The following RBFOX1 variants were observed in gnomAD, a reference collection of about 807,000 sequenced individuals.
The protein encoded by RBFOX1 is RNA binding fox-1 homolog 1.
Under a neutral mutation model 57.7 loss-of-function variants are expected in RBFOX1, and 8 were observed. The observed-to-expected ratio is 0.14, with a 90% CI of 0.08 to 0.25. The LOEUF is 0.25. RBFOX1 is among the 10% of genes least tolerant of loss of function. RBFOX1 has a pLI of 1.00. For synonymous variants in RBFOX1, 326 were observed against 222.4 expected, an observed-to-expected ratio of 1.47 and a Z score of -4.15; for missense variants, 611 against 548.5, an observed-to-expected ratio of 1.11 and a Z score of -1.14.
intron 3 of RBFOX1, among the ~76,000 whole-genome samples, chr16:6,708,937 T>C (rs966507002): frequency 4.6e-5 from 7 of 152,126 alleles, no homozygotes; most frequent in Admixed American, 1.3e-4. Context: ...GCCAACATCA[T>C]AGTGGCCTAG....
chr16:5,891,737 G>C (rs1440100205), intron 4 of RBFOX1, among the ~76,000 whole-genome samples: 1 of 152,162 alleles, frequency 6.6e-6, no homozygotes, highest in Non-Finnish European at 1.5e-5. Context: ...AAAGGGCTGT[G>C]GGGCCCAGAA....
At chr16:7,533,925 A>C (rs2152403274) in intron 5 of RBFOX1, among the ~76,000 whole-genome samples, 1 of 152,300 alleles carries the variant, frequency 6.6e-6, no homozygotes, top group Non-Finnish European at 1.5e-5. Context: ...TAAGTCAATT[A>C]ATTCTAAAAC....
At chr16:6,421,122 A>G (rs1355199203) in intron 2 of RBFOX1, among the ~76,000 whole-genome samples, 1 of 152,212 alleles carries the variant, frequency 6.6e-6, no homozygotes, top group African/African-American at 2.4e-5. Context: ...TTGGAGATAA[A>G]TGAACCGTGG....
At chr16:7,399,619 C>A (rs1335297658) in intron 4 of RBFOX1, among the ~76,000 whole-genome samples, 1 of 152,122 alleles carries the variant, frequency 6.6e-6, no homozygotes, top group African/African-American at 2.4e-5. Context: ...TGCATCTCGT[C>A]CATTTCTGCC....
chr16:6,404,156 G>A (rs2093187557), intron 2 of RBFOX1, among the ~76,000 whole-genome samples: 1 of 152,084 alleles, frequency 6.6e-6, no homozygotes, highest in Admixed American at 6.5e-5. Context: ...CATCTATACT[G>A]AACATGAGCA....
chr16:7,054,216 G>GT (rs1397236102), intron 4 of RBFOX1, among the ~76,000 whole-genome samples: 1 of 92,358 alleles, frequency 1.1e-5, no homozygotes, highest in Admixed American at 1.3e-4. Flanking sequence ...TTTTTTTCGG[G>GT]GGGGGGGGGC....
chr16:7,211,219 GTC>G (rs1202417734), intron 4 of RBFOX1, among the ~76,000 whole-genome samples: 1 of 151,536 alleles, frequency 6.6e-6, no homozygotes, highest in Non-Finnish European at 1.5e-5. Flanking sequence ...GTTAAACCCC[GTC>G]TCTACTAAAA....
At chr16:7,244,333 G>T (rs1173832621) in intron 4 of RBFOX1, among the ~76,000 whole-genome samples, 4 of 147,484 alleles carry the variant, frequency 2.7e-5, no homozygotes, top group Non-Finnish European at 5.9e-5. Flanking sequence ...CTTGAAAGTT[G>T]CTGGCCTTTG....
intron 3 of RBFOX1, among the ~76,000 whole-genome samples, chr16:6,894,979 A>G (rs999758894): frequency 1.3e-5 from 2 of 152,120 alleles, no homozygotes; most frequent in African/African-American, 4.8e-5. Context: ...TCCAGAACTA[A>G]CAGAGACTCT....
At chr16:6,906,273 G>A (rs879873774) in intron 3 of RBFOX1, among the ~76,000 whole-genome samples, 10 of 151,712 alleles carry the variant, frequency 6.6e-5, no homozygotes, top group African/African-American at 1.9e-4. Context: ...CATGTGGAGC[G>A]GAAGGATTAA....
At chr16:7,228,972 G>C (rs1219832162) in intron 4 of RBFOX1, among the ~76,000 whole-genome samples, 6 of 152,158 alleles carry the variant, frequency 3.9e-5, no homozygotes, top group Non-Finnish European at 8.8e-5. Context: ...GGAAGGTCAA[G>C]TGAGGGGAAG....
intron 5 of RBFOX1, among the ~76,000 whole-genome samples, chr16:7,559,471 T>A (rs996575657): frequency 1.3e-5 from 2 of 152,258 alleles, no homozygotes; most frequent in East Asian, 1.9e-4. Context: ...CCCAACCCCA[T>A]CTGCCTTAAA....
At chr16:5,769,257 T>C (rs4258616) in intron 3 of RBFOX1, among the ~76,000 whole-genome samples, 61,257 of 151,814 alleles carry the variant, frequency 0.4, 12,683 homozygotes, top group East Asian at 0.61. Flanking sequence ...CGTGACCTTA[T>C]TTGGAGACAG....
chr16:7,497,132 C>G (rs994455293), intron 4 of RBFOX1, among the ~76,000 whole-genome samples: 1 of 152,184 alleles, frequency 6.6e-6, no homozygotes, highest in South Asian at 2.1e-4. Context: ...ATGCCTGGAA[C>G]TCTTCAATGG....
chr16:6,329,410 C>G (rs1052740099), intron 2 of RBFOX1, among the ~76,000 whole-genome samples: 4 of 152,202 alleles, frequency 2.6e-5, no homozygotes, highest in Non-Finnish European at 4.4e-5. Context: ...AAAGCTGGAG[C>G]TGAGTTTGAA....
chr16:6,863,078 T>G (rs1603633739), intron 3 of RBFOX1, among the ~76,000 whole-genome samples: 1 of 151,876 alleles, frequency 6.6e-6, no homozygotes, highest in East Asian at 1.9e-4. Flanking sequence ...TGATGTATGG[T>G]GGAGAACAGT....
At chr16:7,135,844 G>A (rs2071780848) in intron 4 of RBFOX1, among the ~76,000 whole-genome samples, 2 of 152,172 alleles carry the variant, frequency 1.3e-5, no homozygotes, top group Admixed American at 1.3e-4. Context: ...GGCCTTTTCA[G>A]GTAGTTTGGA....
In RBFOX1 at chr16:6,761,405, A is replaced by C. The variant is rs183746390; in HGVS notation, c.-16+106755A>C. ...TGCATCTCTTATGTTGTTAGTTTTC[A>C]GTTTTTAAGCATAAACTCAAGGTAA... On this transcript the variant is annotated intron_variant, in intron 3 of 15. Coordinates refer to ENST00000550418, the MANE Select transcript of RBFOX1 (RefSeq NM_018723.4). Among the ~76,000 whole-genome samples, 10 of 150,564 alleles carry C rather than the reference A, an allele frequency of 6.6e-5. No homozygotes were observed. The East Asian group carries it at 1.8e-3, about 27-fold the overall frequency.
At chr16:5,490,639 T>G (rs1349402265) in intron 2 of RBFOX1, among the ~76,000 whole-genome samples, 1 of 152,142 alleles carries the variant, frequency 6.6e-6, no homozygotes, top group Admixed American at 6.6e-5. Context: ...CTCTGGGCAC[T>G]CCTATCTGTG....
Sources: gnomAD v4.1 joint callset for allele counts (sites outside exome capture counted in the v4.1 genomes callset) on GRCh38, gnomAD v4.1.1 for gene constraint, MANE v1.5 for transcripts, NCBI Gene and HGNC (gene_info 2026-07-23, HGNC 2026-07-21) for gene names.